COLEC10: variants seen among roughly 807,000 people sequenced by gnomAD.
COLEC10 encodes collectin-10.
COLEC10 carries 22 observed loss-of-function variants against 28.4 expected under a neutral mutation model. The observed-to-expected ratio is 0.78, with a 90% CI of 0.55 to 1.11. The LOEUF (loss-of-function observed/expected upper bound fraction) is 1.11, where lower values mean the gene tolerates loss of function less well. Among genes scored for constraint, COLEC10 ranks in the 50% least tolerant of loss-of-function variants. The probability of loss-of-function intolerance (pLI) is 0.00; values close to 1 mark genes in which losing one functional copy is unlikely to be tolerated. For missense variants in COLEC10, 361 were observed against 344.1 expected (o/e 1.05, Z -0.39); for synonymous variants, 125 against 116.1 (o/e 1.08, Z -0.49).
At chr8:119,100,784 C>T (rs1815810778) in intron 3 of COLEC10, among the ~76,000 whole-genome samples, 2 of 152,178 alleles carry the variant, frequency 1.3e-5, no homozygotes, top group African/African-American at 4.8e-5. Flanking sequence ...ACCGTTGTCT[C>T]ATTTCATCCA....
At chr8:119,040,476 TTATAAA>T (rs1324519782) in intron 2 of COLEC10, among the ~76,000 whole-genome samples, 7 of 152,288 alleles carry the variant, frequency 4.6e-5, no homozygotes, top group East Asian at 1.9e-4. Context: ...GATACATATA[TTATAAA>T]TATAAGTGGA....
intron 1 of COLEC10, among the ~76,000 whole-genome samples, chr8:119,087,040 A>G (rs1278113237): frequency 6.6e-6 from 1 of 152,184 alleles, no homozygotes; most frequent in East Asian, 1.9e-4. Context: ...AAAGGATAGT[A>G]TCCATCTCAA....
At chr8:118,959,979 C>T in the COLEC10 span, among the ~76,000 whole-genome samples, 2 of 152,138 alleles carry the variant, frequency 1.3e-5, no homozygotes, top group South Asian at 2.1e-4. Flanking sequence ...TTTAGAGATA[C>T]GAAGGATATA....
At chr8:119,078,384 G>T (rs1240799630) in intron 1 of COLEC10, among the ~76,000 whole-genome samples, 1 of 152,144 alleles carries the variant, frequency 6.6e-6, no homozygotes, top group African/African-American at 2.4e-5. Flanking sequence ...CTTAGGCAGA[G>T]AAATCTCTTA....
chr8:118,986,454 C>A, the COLEC10 span, among the ~76,000 whole-genome samples: 1 of 152,008 alleles, frequency 6.6e-6, no homozygotes, highest in Non-Finnish European at 1.5e-5. Flanking sequence ...TCTAAATAAA[C>A]CTGTTAGAAT....
At chr8:119,058,084 G>C (rs1046557277) in intron 2 of COLEC10, among the ~76,000 whole-genome samples, 1 of 151,980 alleles carries the variant, frequency 6.6e-6, no homozygotes, top group Non-Finnish European at 1.5e-5. Flanking sequence ...TATAGAGCTA[G>C]AAACAATCTT....
At chr8:118,988,872 C>A in the COLEC10 span, among the ~76,000 whole-genome samples, 12 of 152,194 alleles carry the variant, frequency 7.9e-5, no homozygotes, top group African/African-American at 2.9e-4. Flanking sequence ...CATAAATCCT[C>A]ACACTACAGG....
chr8:119,030,570 A>T (rs1814269780), intron 2 of COLEC10, among the ~76,000 whole-genome samples: 1 of 152,154 alleles, frequency 6.6e-6, no homozygotes, highest in Admixed American at 6.5e-5. Flanking sequence ...CTGACTCATC[A>T]TGTGAATATA....
intron 1 of COLEC10, among the ~76,000 whole-genome samples, chr8:119,082,338 C>A (rs1218635540): frequency 2.6e-5 from 4 of 152,208 alleles, no homozygotes; most frequent in Non-Finnish European, 5.9e-5. Context: ...ACATTTCAAT[C>A]AATTACAAAC....
chr8:119,065,374 G>T (rs1487858653), upstream of COLEC10, among the ~76,000 whole-genome samples: 1 of 152,062 alleles, frequency 6.6e-6, no homozygotes, highest in African/African-American at 2.4e-5. Flanking sequence ...TGGGGATTTA[G>T]GTTGCCTGAT....
the COLEC10 span, among the ~76,000 whole-genome samples, chr8:118,984,968 C>G: frequency 1.3e-4 from 20 of 152,112 alleles, no homozygotes; most frequent in African/African-American, 4.8e-4. Flanking sequence ...TTCACTATCA[C>G]GAGAACAGCA....
chr8:119,088,101 T>C lies in COLEC10; in HGVS notation c.149-1579T>C, dbSNP rs190219328. Among the ~76,000 whole-genome samples the C allele has an allele frequency of 2.2e-3, 331 of 150,242 alleles. 1 individual carries two copies. Among genetic ancestry groups the C allele is most frequent in the Middle Eastern group, 6.8e-3 (2 of 292 alleles). ...GTGTTCACACCACTGCACTCCAGCC[T>C]GGGTGACAGAGAAAGACACTGTCAG... On this transcript the variant is annotated intron_variant, in intron 1 of 5. Coordinates refer to ENST00000332843, the MANE Select transcript of COLEC10 (RefSeq NM_006438.5).
chr8:119,105,852 A>G lies in COLEC10; in HGVS notation c.495A>G (p.Glu165=), dbSNP rs563136978. 6.2e-7 allele frequency: 1 copy of G among 1,613,680 alleles called. No individual in the cohort carries two copies. Among genetic ancestry groups the G allele is most frequent in the Admixed American group, 1.7e-5 (1 of 59,922 alleles). ...AGAAATTCTACTACATCGTGCAGGA[A>G]GAGAAGAACTACAGGGAATCCCTAA... ...TEEKFYYIVQ[E]EKNYRESLTH... is the part of the protein sequence containing the mutation. Residue 165 remains glutamate, a synonymous_variant, in exon 6 of 6, where the codon GAA becomes GAG. Coordinates refer to ENST00000332843, the MANE Select transcript of COLEC10 (RefSeq NM_006438.5).
the COLEC10 span, among the ~76,000 whole-genome samples, chr8:118,968,492 G>A: frequency 6.6e-6 from 1 of 151,804 alleles, no homozygotes; most frequent in South Asian, 2.1e-4. Context: ...ACAGGACCAG[G>A]CACTTTCCAT....
At chr8:119,073,974 A>G (rs1169647529) in intron 1 of COLEC10, among the ~76,000 whole-genome samples, 2 of 149,902 alleles carry the variant, frequency 1.3e-5, no homozygotes, top group South Asian at 2.1e-4. Context: ...ATACACATAT[A>G]TATACACGTA....
At chr8:119,058,261 A>C (rs150441224) in intron 2 of COLEC10, among the ~76,000 whole-genome samples, 1 of 152,142 alleles carries the variant, frequency 6.6e-6, no homozygotes, top group African/African-American at 2.4e-5. Flanking sequence ...TTTTTTTTAC[A>C]CTTTTATGGA....
upstream of COLEC10, among the ~76,000 whole-genome samples, chr8:119,066,823 A>G (rs182014078): frequency 1.9e-3 from 295 of 152,348 alleles, 1 homozygote; most frequent in African/African-American, 6.8e-3. Flanking sequence ...TTCAACAGGC[A>G]CAAGCAGGTA....
At chr8:119,081,167 T>C (rs1158101642) in intron 1 of COLEC10, among the ~76,000 whole-genome samples, 1 of 152,132 alleles carries the variant, frequency 6.6e-6, no homozygotes, top group Non-Finnish European at 1.5e-5. Flanking sequence ...TTGACTATTA[T>C]TTTCCAGAAA....
chr8:119,087,629 A>G (rs556238469), intron 1 of COLEC10, among the ~76,000 whole-genome samples: 112 of 152,092 alleles, frequency 7.4e-4, no homozygotes, highest in African/African-American at 2.6e-3. Flanking sequence ...TTCTCCCACT[A>G]TCTTTCTTGC....
Sources: allele counts gnomAD v4.1 joint callset (sites outside exome capture counted in the v4.1 genomes callset), GRCh38; gene constraint gnomAD v4.1.1; transcripts MANE v1.5; gene names NCBI Gene and HGNC (gene_info 2026-07-23, HGNC 2026-07-21).